The following SPON1 variants were observed in gnomAD, a reference collection of about 807,000 sequenced individuals.
SPON1 encodes the protein spondin-1.
In SPON1, 52 loss-of-function variants were observed where a neutral mutation model predicts 111.7. That is an observed-to-expected ratio of 0.47 (90% CI 0.37 to 0.59). The LOEUF is 0.59. Ranked by LOEUF, SPON1 falls within the 20% of genes least tolerant of loss-of-function variation. The probability of loss-of-function intolerance (pLI) is 0.00; values close to 1 mark genes in which losing one functional copy is unlikely to be tolerated. For missense variants in SPON1, 957 were observed against 1,068.5 expected (o/e 0.90, Z 1.46); for synonymous variants, 410 against 395.8 (o/e 1.04, Z -0.43).
intron 6 of SPON1, among the ~76,000 whole-genome samples, chr11:14,154,479 G>C (rs1037363515): frequency 2.0e-5 from 3 of 152,252 alleles, no homozygotes; most frequent in Non-Finnish European, 4.4e-5. Flanking sequence ...GAGCTAGAGA[G>C]GCTAGGATGC....
chr11:14,014,540 T>G (rs1170777417), intron 2 of SPON1, among the ~76,000 whole-genome samples: 1 of 152,166 alleles, frequency 6.6e-6, no homozygotes, highest in Non-Finnish European at 1.5e-5. Context: ...ATCTGGAGTT[T>G]GGGAGGAGAA....
intron 6 of SPON1, among the ~76,000 whole-genome samples, chr11:14,157,750 G>T (rs1847866247): frequency 6.6e-6 from 1 of 151,588 alleles, no homozygotes; most frequent in Non-Finnish European, 1.5e-5. Flanking sequence ...CCATACTTTA[G>T]CGTGGATATT....
chr11:14,168,268 T>C (rs1258241264), intron 6 of SPON1, among the ~76,000 whole-genome samples: 1 of 152,218 alleles, frequency 6.6e-6, no homozygotes, highest in African/African-American at 2.4e-5. Context: ...TTAGACCAAA[T>C]GTCTACATTT....
chr11:14,050,518 T>A (rs11023066), intron 3 of SPON1, among the ~76,000 whole-genome samples: 35,424 of 152,154 alleles, frequency 0.23, 5,001 homozygotes, highest in South Asian at 0.33. Flanking sequence ...TAGAAAAAGT[T>A]TACTGACTCC....
At chr11:14,260,484 C>A in intron 13 of SPON1, 104 bp from the exon 14 acceptor site, 3 of 1,305,864 alleles carry the variant, frequency 2.3e-6, no homozygotes, top group Non-Finnish European at 3.2e-6. Context: ...CACTTTATTC[C>A]AGGGGCCAAA....
chr11:14,223,898 C>A (rs944050052), intron 6 of SPON1, among the ~76,000 whole-genome samples: 1 of 152,210 alleles, frequency 6.6e-6, no homozygotes, highest in African/African-American at 2.4e-5. Context: ...CCACTGAGGA[C>A]CTGCAGTTAG....
At chr11:14,263,052 TTAAA>T (rs1554942088) in intron 15 of SPON1, 77 bp downstream of exon 15, 29 of 1,252,616 alleles carry the variant, frequency 2.3e-5, no homozygotes, top group Non-Finnish European at 1.3e-5. Context: ...TTGGACCTGT[TTAAA>T]AAAAAAAAAA....
chr11:14,076,419 A>G (rs1554921449), intron 4 of SPON1, among the ~76,000 whole-genome samples: 1 of 152,178 alleles, frequency 6.6e-6, no homozygotes, highest in Non-Finnish European at 1.5e-5. Context: ...ATAATAGGTA[A>G]TATGTTTGGG....
At position 14,254,736 on chromosome 11, in the gene SPON1, G is replaced by T. The variant is rs782242301; in HGVS notation, c.1092+7G>T. The T allele has an allele frequency of 2.5e-5, 40 of 1,613,190 alleles. 2 individuals carry two copies. In the South Asian group the frequency reaches 4.1e-4, roughly 16 times the overall value. On this transcript the variant is annotated splice_region_variant and intron_variant, in intron 8 of 15. Coordinates refer to ENST00000576479, the MANE Select transcript of SPON1 (RefSeq NM_006108.4). ...CAGCGGGGTGACCTATGAGGTGTGT[G>T]TGTGTGCCTGGAGTGGTGAGTGGCT...
At chr11:14,180,449 T>C (rs1848225300) in intron 6 of SPON1, among the ~76,000 whole-genome samples, 1 of 152,218 alleles carries the variant, frequency 6.6e-6, no homozygotes, top group African/African-American at 2.4e-5. Flanking sequence ...TTCTTTGTCT[T>C]TGCCCTTGCA....
At chr11:14,187,731 C>T (rs1591404205) in intron 6 of SPON1, among the ~76,000 whole-genome samples, 4 of 152,208 alleles carry the variant, frequency 2.6e-5, no homozygotes, top group African/African-American at 9.6e-5. Flanking sequence ...TCTCCTGCCT[C>T]AGCCTCCTGA....
At chr11:14,081,676 C>T (rs894678230) in intron 5 of SPON1, among the ~76,000 whole-genome samples, 5 of 151,614 alleles carry the variant, frequency 3.3e-5, no homozygotes, top group Admixed American at 2.0e-4. Flanking sequence ...TTGGAGTTAC[C>T]GCAGTTCAGG....
intron 6 of SPON1, among the ~76,000 whole-genome samples, chr11:14,192,735 CG>C (rs1477057565): frequency 7.3e-6 from 1 of 136,204 alleles, no homozygotes; most frequent in African/African-American, 2.6e-5. Context: ...CCCCACCCCC[CG>C]CCCCCATCAC....
chr11:14,079,615 C>T (rs1848945010), intron 4 of SPON1, among the ~76,000 whole-genome samples: 1 of 152,228 alleles, frequency 6.6e-6, no homozygotes, highest in African/African-American at 2.4e-5. Context: ...TCAACATAGC[C>T]CCCATCTTAA....
chr11:14,021,278 T>C (rs1554914782), intron 2 of SPON1, among the ~76,000 whole-genome samples: 2 of 151,986 alleles, frequency 1.3e-5, no homozygotes, highest in African/African-American at 4.8e-5. Flanking sequence ...AGATGATAAA[T>C]ATGTGTTGAA....
intron 6 of SPON1, among the ~76,000 whole-genome samples, chr11:14,241,524 G>A (rs1554939686): frequency 6.6e-6 from 1 of 152,200 alleles, no homozygotes; most frequent in Admixed American, 6.5e-5. Flanking sequence ...CGGGGGTGAA[G>A]GGAGCTGCTG....
intron 6 of SPON1, among the ~76,000 whole-genome samples, chr11:14,160,873 ATATTTT>A (rs1429544024): frequency 1.3e-4 from 5 of 37,890 alleles, no homozygotes; most frequent in East Asian, 1.6e-3. Flanking sequence ...ATATATTTTT[ATATTTT>A]TATATATTTA....
intron 2 of SPON1, among the ~76,000 whole-genome samples, chr11:13,992,869 C>T (rs1203558133): frequency 6.6e-6 from 1 of 152,052 alleles, no homozygotes; most frequent in African/African-American, 2.4e-5. Flanking sequence ...TTGGCTTGCT[C>T]TCTGTGGGCT....
intron 1 of SPON1, among the ~76,000 whole-genome samples, chr11:13,965,672 T>A (rs961343808): frequency 2.8e-4 from 42 of 152,204 alleles, no homozygotes; most frequent in African/African-American, 9.9e-4. Context: ...GCAGGAACCA[T>A]GCTGAGGTTT....
Sources: gnomAD v4.1 joint callset for allele counts (sites outside exome capture counted in the v4.1 genomes callset) on GRCh38, gnomAD v4.1.1 for gene constraint, MANE v1.5 for transcripts, NCBI Gene and HGNC (gene_info 2026-07-23, HGNC 2026-07-21) for gene names.